MECOM: variants seen among roughly 807,000 people sequenced by gnomAD.
MECOM encodes the protein histone-lysine N-methyltransferase MECOM.
MECOM carries 13 observed loss-of-function variants against 116.3 expected under a neutral mutation model. That is an observed-to-expected ratio of 0.11 (90% CI 0.07 to 0.18). The LOEUF (loss-of-function observed/expected upper bound fraction) is 0.18, where lower values mean the gene tolerates loss of function less well. Ranked by LOEUF, MECOM falls within the 10% of genes least tolerant of loss-of-function variation. MECOM has a pLI of 1.00. For synonymous variants in MECOM, 528 were observed against 535.2 expected, an observed-to-expected ratio of 0.99 and a Z score of 0.19; for missense variants, 1,299 against 1,509.0, an observed-to-expected ratio of 0.86 and a Z score of 2.31.
At chr3:169,369,725 T>A (rs1413340409) in intron 2 of MECOM, among the ~76,000 whole-genome samples, 2 of 151,954 alleles carry the variant, frequency 1.3e-5, no homozygotes, top group African/African-American at 4.8e-5. Context: ...AAACTCAGGG[T>A]CCCATTAACT....
At chr3:169,261,247 A>G (rs1757496861) in intron 2 of MECOM, among the ~76,000 whole-genome samples, 1 of 152,118 alleles carries the variant, frequency 6.6e-6, no homozygotes, top group Admixed American at 6.6e-5. Flanking sequence ...CATCTAAATT[A>G]TTTTTCTTTA....
chr3:169,528,416 G>C (rs1472613722), intron 1 of MECOM, among the ~76,000 whole-genome samples: 1 of 152,140 alleles, frequency 6.6e-6, no homozygotes, highest in Non-Finnish European at 1.5e-5. Context: ...GCTTGCATTT[G>C]CTTTATCCCA....
chr3:169,144,608 CA>C (rs1739162891), intron 2 of MECOM, among the ~76,000 whole-genome samples: 1 of 152,064 alleles, frequency 6.6e-6, no homozygotes, highest in Non-Finnish European at 1.5e-5. Context: ...AAATGTTAAT[CA>C]TTAGTTAGGA....
At chr3:169,607,188 G>A (rs1768695154) in intron 1 of MECOM, among the ~76,000 whole-genome samples, 1 of 152,218 alleles carries the variant, frequency 6.6e-6, no homozygotes, top group Non-Finnish European at 1.5e-5. Flanking sequence ...AAGCGCCACA[G>A]CAGGAAGTGG....
intron 1 of MECOM, among the ~76,000 whole-genome samples, chr3:169,487,025 A>G (rs1201091674): frequency 6.6e-6 from 1 of 152,132 alleles, no homozygotes; most frequent in Non-Finnish European, 1.5e-5. Context: ...TAGAGAAATG[A>G]TATCTCATGT....
intron 2 of MECOM, among the ~76,000 whole-genome samples, chr3:169,360,804 G>A (rs1304167047): frequency 6.6e-6 from 1 of 151,664 alleles, no homozygotes; most frequent in Non-Finnish European, 1.5e-5. Flanking sequence ...TGATGCCTTG[G>A]GAAGATACTT....
chr3:169,405,452 T>C (rs1341425746), intron 1 of MECOM, among the ~76,000 whole-genome samples: 2 of 152,208 alleles, frequency 1.3e-5, no homozygotes, highest in Admixed American at 1.3e-4. Flanking sequence ...TTCAATTGAG[T>C]TCAGTGTCCT....
chr3:169,092,752 T>C (rs1191092057), intron 14 of MECOM, among the ~76,000 whole-genome samples: 2 of 152,152 alleles, frequency 1.3e-5, no homozygotes, highest in Non-Finnish European at 2.9e-5. Context: ...ATAGTGGCTA[T>C]CTCATAGGGT....
chr3:169,438,001 G>A (rs115592950), intron 1 of MECOM, among the ~76,000 whole-genome samples: 1 of 152,140 alleles, frequency 6.6e-6, no homozygotes, highest in Non-Finnish European at 1.5e-5. Flanking sequence ...AGCACTCTAC[G>A]TATATTAGCT....
At chr3:169,524,579 G>C (rs994484652) in intron 1 of MECOM, among the ~76,000 whole-genome samples, 3 of 152,140 alleles carry the variant, frequency 2.0e-5, no homozygotes, top group Non-Finnish European at 4.4e-5. Flanking sequence ...CAGCATGTTT[G>C]GATTTGACAT....
chr3:169,125,719 C>T (rs1241963991), intron 5 of MECOM, among the ~76,000 whole-genome samples: 3 of 152,244 alleles, frequency 2.0e-5, no homozygotes, highest in Non-Finnish European at 4.4e-5. Flanking sequence ...AGTGAGACTT[C>T]TCTGCTTTTC....
chr3:169,436,245 CTTTTTTTTTT>C (rs11349670), intron 1 of MECOM, among the ~76,000 whole-genome samples: 1 of 93,682 alleles, frequency 1.1e-5, no homozygotes, highest in South Asian at 4.0e-4. Context: ...GGCTAAATCG[CTTTTTTTTTT>C]TTTTTTTTTT....
intron 3 of MECOM, among the ~76,000 whole-genome samples, chr3:169,139,741 G>A (rs1737521958): frequency 6.6e-6 from 1 of 151,996 alleles, no homozygotes; most frequent in Non-Finnish European, 1.5e-5. Flanking sequence ...CTTGTCTGAG[G>A]TGGATGGGGG....
At chr3:169,364,030 G>A (rs556654228) in intron 2 of MECOM, among the ~76,000 whole-genome samples, 8 of 151,950 alleles carry the variant, frequency 5.3e-5, no homozygotes, top group Admixed American at 1.3e-4. Context: ...TTATAATTTT[G>A]TCTGTATTGC....
chr3:169,549,607 G>A (rs1365018874), intron 1 of MECOM, among the ~76,000 whole-genome samples: 1 of 152,118 alleles, frequency 6.6e-6, no homozygotes, highest in Non-Finnish European at 1.5e-5. Context: ...AGCTTGCCCA[G>A]GATTTTCCCT....
At chr3:169,418,950 T>A (rs1195427378) in intron 1 of MECOM, among the ~76,000 whole-genome samples, 4 of 152,134 alleles carry the variant, frequency 2.6e-5, no homozygotes, top group Non-Finnish European at 5.9e-5. Flanking sequence ...AGAGAGGAAG[T>A]CAAATGGTCT....
At chr3:169,356,278 G>A (rs1560169573) in intron 2 of MECOM, among the ~76,000 whole-genome samples, 1 of 151,852 alleles carries the variant, frequency 6.6e-6, no homozygotes, top group African/African-American at 2.4e-5. Flanking sequence ...AATTTGCTAA[G>A]TGTAATTTCC....
intron 2 of MECOM, among the ~76,000 whole-genome samples, chr3:169,293,793 T>A (rs944096470): frequency 3.3e-5 from 5 of 152,226 alleles, no homozygotes; most frequent in Non-Finnish European, 7.3e-5. Flanking sequence ...GGTATTCAGC[T>A]TATATTTATT....
intron 2 of MECOM, among the ~76,000 whole-genome samples, chr3:169,213,674 A>G (rs1751069239): frequency 6.6e-6 from 1 of 152,166 alleles, no homozygotes; most frequent in Non-Finnish European, 1.5e-5. Flanking sequence ...CCTTAAACAG[A>G]AAAAATCGGC....
Sources: gnomAD v4.1 joint callset for allele counts (sites outside exome capture counted in the v4.1 genomes callset) on GRCh38, gnomAD v4.1.1 for gene constraint, MANE v1.5 for transcripts, NCBI Gene and HGNC (gene_info 2026-07-23, HGNC 2026-07-21) for gene names.